The following PLD5 variants were observed in gnomAD, a reference collection of about 807,000 sequenced individuals.
PLD5 encodes the protein phospholipase D family member 5, also known as inactive phospholipase D5.
In PLD5, 36 loss-of-function variants were observed where a neutral mutation model predicts 61.1. The observed-to-expected ratio is 0.59, with a 90% CI of 0.45 to 0.78. PLD5 has a LOEUF of 0.78. Among genes scored for constraint, PLD5 ranks in the 30% least tolerant of loss-of-function variants. The pLI is 0.00. For missense variants in PLD5, 515 were observed against 644.4 expected, an observed-to-expected ratio of 0.80 and a Z score of 2.17; for synonymous variants, 243 against 242.8, an observed-to-expected ratio of 1.00 and a Z score of -0.01.
intron 4 of PLD5, among the ~76,000 whole-genome samples, chr1:242,225,810 G>T (rs967084440): frequency 5.9e-5 from 9 of 152,234 alleles, no homozygotes; most frequent in African/African-American, 2.2e-4. Context: ...TCCACTTACT[G>T]GTGATGACAA....
chr1:242,524,129 T>C lies in PLD5; in HGVS notation c.148A>G (p.Ser50Gly). ...TTCCTCCGAAGCCAGACGCTGGCGC[T>C]GTAGTCCTGCTGCTTGACGCTGCTG... ...FYSSVKQQDY[S>G]ASVWLRRKDK... Residue 50 changes from serine to glycine, a missense_variant, in exon 1 of 10, where the codon AGC becomes GGC. By Grantham distance (56) the Ser-to-Gly change is moderately conservative. Transcript: ENST00000536534. 6.5e-7 allele frequency: 1 copy of C among 1,535,396 alleles called. No individual in the cohort carries two copies. The highest frequency in any genetic ancestry group is 1.7e-4 in the Middle Eastern group (1 of 5,978).
At chr1:242,395,746 A>C (rs1663533561) in intron 1 of PLD5, among the ~76,000 whole-genome samples, 1 of 152,182 alleles carries the variant, frequency 6.6e-6, no homozygotes, top group South Asian at 2.1e-4. Context: ...AGGGGGACTG[A>C]CTGAGTGAAG....
intron 2 of PLD5, among the ~76,000 whole-genome samples, chr1:242,333,029 G>A (rs778036910): frequency 6.6e-6 from 1 of 152,186 alleles, no homozygotes; most frequent in Non-Finnish European, 1.5e-5. Context: ...TGTGCCCAGC[G>A]GAGAAAGCAA....
chr1:242,296,094 C>T (rs1297450560), intron 2 of PLD5, among the ~76,000 whole-genome samples: 2 of 152,152 alleles, frequency 1.3e-5, no homozygotes, highest in Non-Finnish European at 1.5e-5. Flanking sequence ...CAAAGATTAA[C>T]GGAGGGAATC....
At chr1:242,111,329 T>A (rs1426784385) in intron 7 of PLD5, among the ~76,000 whole-genome samples, 1 of 152,204 alleles carries the variant, frequency 6.6e-6, no homozygotes, top group Non-Finnish European at 1.5e-5. Context: ...AGTGCTGGGA[T>A]TACAGACGTG....
chr1:242,251,518 G>A (rs941054296), intron 4 of PLD5, among the ~76,000 whole-genome samples: 11 of 152,162 alleles, frequency 7.2e-5, no homozygotes, highest in East Asian at 1.9e-4. Flanking sequence ...GAAGTCCTCC[G>A]GGACTTTGAC....
intron 4 of PLD5, among the ~76,000 whole-genome samples, chr1:242,220,582 G>T (rs1670509316): frequency 6.6e-6 from 1 of 151,970 alleles, no homozygotes; most frequent in Non-Finnish European, 1.5e-5. Flanking sequence ...GCCTCATTAT[G>T]CTTTCTATAC....
At chr1:242,473,292 T>C (rs1209659713) in intron 1 of PLD5, among the ~76,000 whole-genome samples, 3 of 152,182 alleles carry the variant, frequency 2.0e-5, no homozygotes, top group Non-Finnish European at 4.4e-5. Flanking sequence ...CAAAAGAAAC[T>C]GGAGTCTGGG....
At chr1:242,143,610 A>C (rs1161805643) in intron 5 of PLD5, among the ~76,000 whole-genome samples, 1 of 152,176 alleles carries the variant, frequency 6.6e-6, no homozygotes, top group Admixed American at 6.5e-5. Context: ...AATATCAGAA[A>C]TATAAACCCC....
chr1:242,340,622 A>T (rs1659777843), intron 2 of PLD5, among the ~76,000 whole-genome samples: 1 of 152,216 alleles, frequency 6.6e-6, no homozygotes, highest in Admixed American at 6.5e-5. Flanking sequence ...AAAGGTACTC[A>T]CATTAACATA....
At chr1:242,376,427 G>C (rs1303140697) in intron 1 of PLD5, among the ~76,000 whole-genome samples, 2 of 152,152 alleles carry the variant, frequency 1.3e-5, no homozygotes, top group Non-Finnish European at 2.9e-5. Context: ...ACACTTAAAA[G>C]TTCCTAGTGT....
intron 5 of PLD5, among the ~76,000 whole-genome samples, chr1:242,170,878 A>G (rs1666700548): frequency 6.6e-6 from 1 of 150,496 alleles, no homozygotes; most frequent in Non-Finnish European, 1.5e-5. Context: ...GCCTGCAGGA[A>G]ATCCAGGACT....
intron 6 of PLD5, among the ~76,000 whole-genome samples, chr1:242,120,006 A>T (rs1308474955): frequency 1.3e-5 from 2 of 152,232 alleles, no homozygotes; most frequent in Non-Finnish European, 1.5e-5. Flanking sequence ...GAATAAAGGC[A>T]GTATTGGTCC....
chr1:242,474,053 A>T (rs1034558891), intron 1 of PLD5, among the ~76,000 whole-genome samples: 6 of 152,248 alleles, frequency 3.9e-5, no homozygotes, highest in Admixed American at 2.0e-4. Flanking sequence ...TTATATAGGC[A>T]TTACAAAATT....
intron 1 of PLD5, among the ~76,000 whole-genome samples, chr1:242,402,576 G>C (rs1016608176): frequency 1.3e-5 from 2 of 152,182 alleles, no homozygotes; most frequent in African/African-American, 4.8e-5. Flanking sequence ...GCTGGCTATA[G>C]AGAAATGCAG....
In PLD5 at chr1:242,100,519, C is replaced by T. The variant is rs114898728; in HGVS notation, c.1354+149G>A. 1,926 of 612,070 alleles carry T rather than the reference C, an allele frequency of 3.1e-3. 26 individuals carry two copies. The highest frequency in any genetic ancestry group is 0.03 in the African/African-American group (1,644 of 54,460). 37.9% of individuals were successfully genotyped at this position (612,070 alleles called of 1,614,324 possible). ...TGAATGATGAGCTCCCTGTCCTTAC[C>T]GTCCTGTTTCCTCATCTCCATTTCC... On this transcript the variant is annotated intron_variant, in intron 9 of 9. Coordinates refer to ENST00000536534, the MANE Select transcript of PLD5 (RefSeq NM_001372062.1).
chr1:242,437,209 A>T (rs988819659), intron 1 of PLD5, among the ~76,000 whole-genome samples: 8 of 152,212 alleles, frequency 5.3e-5, no homozygotes, highest in African/African-American at 1.9e-4. Flanking sequence ...TGATGGCACA[A>T]ATCACACACA....
intron 2 of PLD5, among the ~76,000 whole-genome samples, chr1:242,332,392 T>C (rs1169880591): frequency 1.3e-5 from 2 of 152,172 alleles, no homozygotes; most frequent in Non-Finnish European, 2.9e-5. Context: ...GCTTTGGGTA[T>C]ATACCCAGTA....
At position 242,503,156 on chromosome 1, in the gene PLD5, C is replaced by T. The variant is rs934031107; in HGVS notation, c.189+20932G>A. 2.4e-4 allele frequency among the ~76,000 whole-genome samples: 37 copies of T among 152,260 alleles called. No homozygotes were observed. The East Asian group carries it at 4.8e-3, about 20-fold the overall frequency. On this transcript the variant is annotated intron_variant, in intron 1 of 9. Transcript: ENST00000536534. ...GTTTGGATCTGTGTCCTGACTAAATCTCATAGAAATGTCACCCCAGTGTTG... is the reference window on the plus strand; with the variant it reads ...GTTTGGATCTGTGTCCTGACTAAATTTCATAGAAATGTCACCCCAGTGTTG...
Sources: allele counts gnomAD v4.1 joint callset (sites outside exome capture counted in the v4.1 genomes callset), GRCh38; gene constraint gnomAD v4.1.1; transcripts MANE v1.5; gene names NCBI Gene and HGNC (gene_info 2026-07-23, HGNC 2026-07-21).